The following CC2D2B variants were observed in gnomAD, a reference collection of about 807,000 sequenced individuals.
The protein encoded by CC2D2B is coiled-coil and C2 domain containing 2B.
Under a neutral mutation model 161.2 loss-of-function variants are expected in CC2D2B, and 128 were observed. The observed-to-expected ratio is 0.79, with a 90% CI of 0.69 to 0.92. CC2D2B has a LOEUF of 0.92. Among genes scored for constraint, CC2D2B ranks in the 40% least tolerant of loss-of-function variants. The pLI is 0.00. For synonymous variants in CC2D2B, 391 were observed against 449.8 expected (o/e 0.87, Z 1.65); for missense variants, 1,173 against 1,375.1 (o/e 0.85, Z 2.32).
chr10:96,029,421 AT>A (rs1457379197), intron 34 of CC2D2B, among the ~76,000 whole-genome samples: 1 of 151,580 alleles, frequency 6.6e-6, no homozygotes, highest in African/African-American at 2.4e-5. Context: ...ACCATGTTGC[AT>A]GGCATTAACT....
At chr10:95,909,009 A>C (rs1185900070) in intron 1 of CC2D2B, among the ~76,000 whole-genome samples, 1 of 152,130 alleles carries the variant, frequency 6.6e-6, no homozygotes, top group Admixed American at 6.6e-5. Context: ...TTCTTGATCT[A>C]CAGGAGCAGG....
rs1209836058 is a variant in CC2D2B at position 95,961,920 on chromosome 10, C to T, written c.1201C>T (p.Arg401Ter). 75 of 1,231,354 alleles carry T rather than the reference C, an allele frequency of 6.1e-5. No individual in the cohort carries two copies. The highest frequency in any genetic ancestry group is 7.1e-5 in the Non-Finnish European group (70 of 987,552). The allele number at this position is 1,231,354 out of a possible 1,614,324, so 76.3% of individuals were successfully genotyped here. A position where few individuals can be genotyped will look rare whatever the true frequency, so the allele number is the denominator to read the frequency against. Residue 401 changes from arginine to a stop codon, truncating the protein, a stop_gained, in exon 12 of 35, where the codon CGA becomes TGA. Transcript: ENST00000646931. LOFTEE classifies it high-confidence loss of function. ...AACTTGGAAACAGATTAAATCTCTTCGACATGGGCAAGGGTTTACAAGCAC... is the reference window on the plus strand; with the variant it reads ...AACTTGGAAACAGATTAAATCTCTTTGACATGGGCAAGGGTTTACAAGCAC... ...LRTWKQIKSL[R>*]HGQGFTSTPI... is the part of the protein sequence containing the mutation.
chr10:95,962,195 T>C (rs2076783724), intron 12 of CC2D2B, among the ~76,000 whole-genome samples: 1 of 151,962 alleles, frequency 6.6e-6, no homozygotes, highest in Admixed American at 6.6e-5. Context: ...CAATTAAACA[T>C]GGGGAAATGA....
chr10:95,933,562 G>T (rs1361897790), intron 6 of CC2D2B, among the ~76,000 whole-genome samples: 2 of 152,086 alleles, frequency 1.3e-5, no homozygotes, highest in African/African-American at 4.8e-5. Flanking sequence ...TTTGGATGGG[G>T]TTTCTGTGTG....
At chr10:95,939,021 A>G in intron 9 of CC2D2B, 96 bp downstream of exon 9, 1 of 549,536 alleles carries the variant, frequency 1.8e-6, no homozygotes, top group Non-Finnish European at 3.2e-6. Context: ...CTTTAAAGAT[A>G]CTAAGTCTAC....
At chr10:96,007,663 C>G (rs2078808181) in intron 25 of CC2D2B, among the ~76,000 whole-genome samples, 1 of 152,122 alleles carries the variant, frequency 6.6e-6, no homozygotes, top group Non-Finnish European at 1.5e-5. Context: ...TCCTAATGTC[C>G]AAAGCAGTGG....
chr10:95,995,349 A>T lies in CC2D2B; in HGVS notation c.2723A>T (p.Asp908Val). The T allele has an allele frequency of 3.3e-6, 5 of 1,513,018 alleles. No individual in the cohort carries two copies. Among genetic ancestry groups the T allele is most frequent in the Non-Finnish European group, 4.4e-6 (5 of 1,128,220 alleles). 93.7% of individuals were successfully genotyped at this position (1,513,018 alleles called of 1,614,324 possible). A position where few individuals can be genotyped will look rare whatever the true frequency, so the allele number is the denominator to read the frequency against. ...HRETIKSVAS[D>V]ETLHEDTVHP... is the part of the protein sequence containing the mutation. ...GAAACAATCAAATCAGTAGCCTCAGATGAGACCTTACATGAGGTAAGTATT... is the reference window on the plus strand; with the variant it reads ...GAAACAATCAAATCAGTAGCCTCAGTTGAGACCTTACATGAGGTAAGTATT... The change falls in exon 23 of 35, where the codon GAT becomes GTT. Residue 908 changes from aspartate to valine, a missense_variant. This residue lies in a region of CC2D2B where 598 missense variants were observed against 693.2 expected (regional missense o/e 0.86). Coordinates refer to ENST00000646931, the MANE Select transcript of CC2D2B (RefSeq NM_001349008.3).
intron 14 of CC2D2B, among the ~76,000 whole-genome samples, chr10:95,967,934 C>G (rs1227691779): frequency 6.6e-6 from 1 of 152,196 alleles, no homozygotes; most frequent in Non-Finnish European, 1.5e-5. Context: ...TCCACCCAGC[C>G]TTCTCCCTTC....
chr10:95,926,818 G>GTGTGTGTGTGTC (rs1281850731), intron 5 of CC2D2B, among the ~76,000 whole-genome samples: 8 of 74,250 alleles, frequency 1.1e-4, no homozygotes, highest in African/African-American at 4.7e-4. Flanking sequence ...AGGTGGCAGT[G>GTGTGTGTGTGTC]TGTGTGTGTG....
At chr10:96,008,398 C>CT (rs1359291561) in intron 25 of CC2D2B, among the ~76,000 whole-genome samples, 1 of 151,860 alleles carries the variant, frequency 6.6e-6, no homozygotes, top group African/African-American at 2.4e-5. Context: ...GTGTAAAGTC[C>CT]TTTTATAGAC....
chr10:95,936,535 C>T (rs2075827946), intron 6 of CC2D2B, among the ~76,000 whole-genome samples: 1 of 152,176 alleles, frequency 6.6e-6, no homozygotes, highest in Non-Finnish European at 1.5e-5. Context: ...TTGTATCCAT[C>T]TAGACTTATA....
At chr10:95,915,222 G>A (rs1375305577) in intron 2 of CC2D2B, among the ~76,000 whole-genome samples, 1 of 152,084 alleles carries the variant, frequency 6.6e-6, no homozygotes, top group Non-Finnish European at 1.5e-5. Flanking sequence ...TTTGCTGTTG[G>A]CATATAGAAA....
At chr10:95,983,542 C>G in intron 18 of CC2D2B, 64 bp from the exon 19 acceptor site, 2 of 757,030 alleles carry the variant, frequency 2.6e-6, no homozygotes, top group Non-Finnish European at 3.6e-6. Context: ...GGGAAAAAGT[C>G]TTTTGAAGTA....
At chr10:96,025,150 AAAAAATATATATATAT>A (rs1423851094) in intron 33 of CC2D2B, among the ~76,000 whole-genome samples, 3 of 27,628 alleles carry the variant, frequency 1.1e-4, no homozygotes, top group Non-Finnish European at 1.9e-4. Flanking sequence ...CTCTACTAAA[AAAAAATATATATATAT>A]ATATATATAT....
intron 19 of CC2D2B, among the ~76,000 whole-genome samples, chr10:95,986,578 A>G (rs911726176): frequency 6.6e-6 from 1 of 152,024 alleles, no homozygotes; most frequent in Non-Finnish European, 1.5e-5. Flanking sequence ...CACGAAAAGT[A>G]TAAATTATAA....
At chr10:95,926,848 CTGTGTG>C (rs1209292988) in intron 5 of CC2D2B, among the ~76,000 whole-genome samples, 2 of 106,960 alleles carry the variant, frequency 1.9e-5, no homozygotes, top group African/African-American at 4.0e-5. Context: ...GTGTGTGTGT[CTGTGTG>C]TGTGTGTGTG....
rs1426529561 is a variant in CC2D2B at position 96,033,409 on chromosome 10, A to C, written c.*1401A>C. 3.9e-5 allele frequency among the ~76,000 whole-genome samples: 6 copies of C among 152,220 alleles called. No homozygotes were observed. Among genetic ancestry groups the C allele is most frequent in the Non-Finnish European group, 5.9e-5 (4 of 68,038 alleles). Reference sequence around the variant, plus strand: ...TATGTGTCTTGTGGCATGCATAAGAAAACTGATCAGAATTTTTACTTTTAT... The same window carrying C: ...TATGTGTCTTGTGGCATGCATAAGACAACTGATCAGAATTTTTACTTTTAT... On this transcript the variant is annotated 3_prime_UTR_variant, in exon 35 of 35. Coordinates refer to ENST00000646931, the MANE Select transcript of CC2D2B (RefSeq NM_001349008.3).
chr10:96,010,177 A>G (rs1413335061), intron 26 of CC2D2B, among the ~76,000 whole-genome samples: 1 of 152,214 alleles, frequency 6.6e-6, no homozygotes, highest in Non-Finnish European at 1.5e-5. Context: ...TTTGCATATA[A>G]GAGTTCTATA....
At chr10:95,913,583 ACAGTGTATTAGGGTTGC>A in intron 2 of CC2D2B, 1 of 169,352 alleles carries the variant, frequency 5.9e-6, no homozygotes. Context: ...ATTCCCACCA[ACAGTGTATTAGGGTTGC>A]CCTTTCTCAA....
Sources: allele counts gnomAD v4.1 joint callset (sites outside exome capture counted in the v4.1 genomes callset), GRCh38; gene constraint gnomAD v4.1.1; regional missense constraint gnomAD v4.1.1; transcripts MANE v1.5; gene names NCBI Gene and HGNC (gene_info 2026-07-23, HGNC 2026-07-21).